LRP1B: variants seen among roughly 807,000 people sequenced by gnomAD.
LRP1B encodes LDL receptor related protein 1B.
A neutral mutation model predicts 556.6 loss-of-function variants in LRP1B; 217 were observed. That is an observed-to-expected ratio of 0.39 (90% CI 0.35 to 0.44). The LOEUF (loss-of-function observed/expected upper bound fraction) is 0.44, where lower values mean the gene tolerates loss of function less well. LRP1B is among the 20% of genes least tolerant of loss of function. The pLI is 1.00. For missense variants in LRP1B, 5,053 were observed against 5,620.8 expected, an observed-to-expected ratio of 0.90 and a Z score of 3.23; for synonymous variants, 2,047 against 1,865.8, an observed-to-expected ratio of 1.10 and a Z score of -2.50.
At chr2:141,868,113 T>C (rs760774110) in intron 1 of LRP1B, among the ~76,000 whole-genome samples, 11 of 152,148 alleles carry the variant, frequency 7.2e-5, no homozygotes, top group Non-Finnish European at 1.3e-4. Flanking sequence ...TAGAAATGCC[T>C]TCAAATACTT....
At chr2:141,311,085 T>C (rs1686796749) in intron 3 of LRP1B, among the ~76,000 whole-genome samples, 1 of 152,208 alleles carries the variant, frequency 6.6e-6, no homozygotes, top group African/African-American at 2.4e-5. Context: ...TTGACCTGCA[T>C]ATAGGAATTC....
At chr2:141,956,292 T>C (rs1430429160) in intron 1 of LRP1B, among the ~76,000 whole-genome samples, 1 of 152,148 alleles carries the variant, frequency 6.6e-6, no homozygotes, top group Admixed American at 6.6e-5. Context: ...TTTGCAAAAT[T>C]AATGTTTGTT....
intron 2 of LRP1B, among the ~76,000 whole-genome samples, chr2:141,667,898 T>C (rs1459136663): frequency 6.6e-6 from 1 of 152,152 alleles, no homozygotes; most frequent in African/African-American, 2.4e-5. Flanking sequence ...AACATGTGAA[T>C]AAGATAACCC....
chr2:141,261,989 T>A (rs1029396201), intron 3 of LRP1B, among the ~76,000 whole-genome samples: 1 of 152,192 alleles, frequency 6.6e-6, no homozygotes, highest in African/African-American at 2.4e-5. Flanking sequence ...CATTCTTTTA[T>A]AATCCTACCA....
chr2:141,771,881 C>T (rs540649474), intron 2 of LRP1B, among the ~76,000 whole-genome samples: 4 of 152,120 alleles, frequency 2.6e-5, no homozygotes, highest in East Asian at 3.9e-4. Flanking sequence ...TGCAGTGGTG[C>T]GTTCTCGGCT....
chr2:140,556,162 G>A (rs1680724209), intron 43 of LRP1B, among the ~76,000 whole-genome samples: 1 of 152,028 alleles, frequency 6.6e-6, no homozygotes, highest in African/African-American at 2.4e-5. Context: ...TGAGAAAACA[G>A]CAGAAGCAGG....
At chr2:141,615,944 G>A (rs905692795) in intron 2 of LRP1B, among the ~76,000 whole-genome samples, 7 of 152,116 alleles carry the variant, frequency 4.6e-5, no homozygotes, top group Admixed American at 6.5e-5. Context: ...AATGATGACT[G>A]TCTTTATTCT....
intron 86 of LRP1B, among the ~76,000 whole-genome samples, chr2:140,248,183 GA>G (rs1681251092): frequency 6.6e-6 from 1 of 151,580 alleles, no homozygotes; most frequent in Non-Finnish European, 1.5e-5. Flanking sequence ...GATGCTATAC[GA>G]ATTATTTGTG....
intron 27 of LRP1B, among the ~76,000 whole-genome samples, chr2:140,860,493 T>C (rs1421026578): frequency 6.6e-6 from 1 of 152,164 alleles, no homozygotes. Context: ...ACTAAAATGT[T>C]CCTGCAAAAA....
intron 2 of LRP1B, among the ~76,000 whole-genome samples, chr2:141,667,298 G>A (rs1690480472): frequency 6.6e-6 from 1 of 152,082 alleles, no homozygotes; most frequent in South Asian, 2.1e-4. Context: ...ATTTCAATTA[G>A]GATTTCCCCC....
intron 18 of LRP1B, among the ~76,000 whole-genome samples, chr2:140,980,462 A>G (rs1263639814): frequency 6.6e-6 from 1 of 152,108 alleles, no homozygotes. Context: ...AAAATATTCT[A>G]TTGTCTATTG....
intron 18 of LRP1B, 133 bp from the exon 19 acceptor site, chr2:140,952,073 C>A (rs1296341623): frequency 1.5e-6 from 1 of 648,764 alleles, no homozygotes; most frequent in Non-Finnish European, 2.7e-6. Flanking sequence ...GGCAGATAAA[C>A]AAATACAGTG....
At chr2:141,533,085 C>A (rs534004485) in intron 2 of LRP1B, among the ~76,000 whole-genome samples, 1 of 152,198 alleles carries the variant, frequency 6.6e-6, no homozygotes, top group African/African-American at 2.4e-5. Flanking sequence ...TGAGCTTCCT[C>A]TCCTCCATCA....
At chr2:141,391,612 A>G (rs996349312) in intron 3 of LRP1B, among the ~76,000 whole-genome samples, 3 of 152,204 alleles carry the variant, frequency 2.0e-5, no homozygotes, top group Non-Finnish European at 4.4e-5. Flanking sequence ...ACAGTTTTAT[A>G]CAAAAAAAAA....
chr2:140,289,909 C>T (rs557028217), intron 84 of LRP1B, among the ~76,000 whole-genome samples: 1 of 151,956 alleles, frequency 6.6e-6, no homozygotes, highest in East Asian at 1.9e-4. Flanking sequence ...TCTCATGGAC[C>T]ATCAAGGATC....
At position 141,018,522 on chromosome 2, in the gene LRP1B, T is replaced by A. The variant is rs1032609132; in HGVS notation, c.1970+1400A>T. Among the ~76,000 whole-genome samples the A allele has an allele frequency of 3.3e-4, 50 of 152,228 alleles. No homozygotes were observed. In the Middle Eastern group the frequency reaches 0.017, roughly 52 times the overall value. ...GGAGACGTTGAAGAGGATTTCTAAA[T>A]TTGATGAGAGAGATGGAACTAGTGG... On this transcript the variant is annotated intron_variant, in intron 12 of 90. Coordinates refer to ENST00000389484, the MANE Select transcript of LRP1B (RefSeq NM_018557.3).
At chr2:141,061,218 T>G (rs1272030061) in intron 8 of LRP1B, among the ~76,000 whole-genome samples, 1 of 151,622 alleles carries the variant, frequency 6.6e-6, no homozygotes, top group Non-Finnish European at 1.5e-5. Context: ...GTGCATCTCT[T>G]TATCTGTCAA....
At chr2:140,371,658 G>A (rs1335184743) in intron 69 of LRP1B, among the ~76,000 whole-genome samples, 1 of 150,976 alleles carries the variant, frequency 6.6e-6, no homozygotes, top group African/African-American at 2.4e-5. Context: ...AATTATTGAA[G>A]TCTCCAAATA....
rs1683856250 is a variant in LRP1B at position 141,504,676 on chromosome 2, G to A, written c.206-24143C>T. Among the ~76,000 whole-genome samples, 3 of 152,246 alleles carry A rather than the reference G, an allele frequency of 2.0e-5. No homozygotes were observed. The South Asian group carries it at 6.2e-4, about 32-fold the overall frequency. On this transcript the variant is annotated intron_variant, in intron 2 of 90. Transcript: ENST00000389484. ...CAGGTTGTAATCACCAAAGGATCAA[G>A]AACACTCTGGAACTCAAGGGATTGA...
Sources: allele counts gnomAD v4.1 joint callset (sites outside exome capture counted in the v4.1 genomes callset), GRCh38; gene constraint gnomAD v4.1.1; transcripts MANE v1.5; gene names NCBI Gene and HGNC (gene_info 2026-07-23, HGNC 2026-07-21).